Variants in SLC39A11 observed in about 807,000 individuals in gnomAD.
SLC39A11 encodes the protein zinc transporter ZIP11.
A neutral mutation model predicts 36.1 loss-of-function variants in SLC39A11; 33 were observed. That is an observed-to-expected ratio of 0.91 (90% confidence interval 0.69 to 1.22). SLC39A11 has a LOEUF of 1.22. Among genes scored for constraint, SLC39A11 ranks in the 50% most tolerant of loss-of-function variants. The probability of loss-of-function intolerance (pLI) is 0.00; values close to 1 mark genes in which losing one functional copy is unlikely to be tolerated. For missense variants in SLC39A11, 432 were observed against 430.3 expected (o/e 1.00, Z -0.03); for synonymous variants, 166 against 170.3 (o/e 0.97, Z 0.20).
At chr17:73,020,704 G>C (rs1411685872) in intron 4 of SLC39A11, among the ~76,000 whole-genome samples, 1 of 4,084 alleles carries the variant, frequency 2.4e-4, no homozygotes, top group Non-Finnish European at 9.7e-4. Context: ...TTTTTTTTGA[G>C]ACGGAGTCTC....
At chr17:73,078,031 G>T (rs944443070) in intron 3 of SLC39A11, among the ~76,000 whole-genome samples, 23 of 152,152 alleles carry the variant, frequency 1.5e-4, no homozygotes, top group Non-Finnish European at 2.5e-4. Flanking sequence ...AAGGTCAGGA[G>T]ATCGAGACCA....
At chr17:72,955,694 C>A (rs560631502) in intron 4 of SLC39A11, among the ~76,000 whole-genome samples, 93 of 152,056 alleles carry the variant, frequency 6.1e-4, no homozygotes, top group African/African-American at 2.1e-3. Context: ...GGGCCCAGCA[C>A]ACGGTCTGTG....
chr17:72,776,491 T>A (rs2076135150), intron 6 of SLC39A11, among the ~76,000 whole-genome samples: 1 of 152,070 alleles, frequency 6.6e-6, no homozygotes, highest in Non-Finnish European at 1.5e-5. Flanking sequence ...TATCAAAATG[T>A]TGAAATACAA....
At chr17:73,009,303 C>T (rs1411259773) in intron 4 of SLC39A11, among the ~76,000 whole-genome samples, 2 of 144,932 alleles carry the variant, frequency 1.4e-5, no homozygotes, top group East Asian at 2.0e-4. Context: ...TGCAGTGAGC[C>T]GAGATTGCGC....
At chr17:72,894,222 C>T (rs1284016144) in intron 5 of SLC39A11, among the ~76,000 whole-genome samples, 2 of 137,358 alleles carry the variant, frequency 1.5e-5, no homozygotes, top group African/African-American at 2.9e-5. Context: ...ATTAGCTGTG[C>T]GTGGTGGCGC....
intron 5 of SLC39A11, among the ~76,000 whole-genome samples, chr17:72,859,543 C>T (rs1342841584): frequency 6.6e-6 from 1 of 151,968 alleles, no homozygotes; most frequent in Non-Finnish European, 1.5e-5. Flanking sequence ...GAGACCAGGA[C>T]TTCCTGCTCC....
At chr17:73,020,828 G>A (rs191222773) in intron 4 of SLC39A11, among the ~76,000 whole-genome samples, 46 of 151,840 alleles carry the variant, frequency 3.0e-4, no homozygotes, top group East Asian at 2.1e-3. Context: ...GGCTACAGGC[G>A]CGTGCCACCA....
At chr17:72,681,830 A>C (rs1343571868) in intron 7 of SLC39A11, among the ~76,000 whole-genome samples, 8 of 152,130 alleles carry the variant, frequency 5.3e-5, no homozygotes, top group Non-Finnish European at 1.5e-5. Context: ...GATTTTCTTA[A>C]TAATATTTTC....
chr17:72,799,579 G>A (rs2077015023), intron 6 of SLC39A11, among the ~76,000 whole-genome samples: 1 of 152,078 alleles, frequency 6.6e-6, no homozygotes, highest in South Asian at 2.1e-4. Context: ...CCTGGGGGGA[G>A]ATCTATAAAT....
chr17:72,694,706 G>A (rs2072206522), intron 7 of SLC39A11, among the ~76,000 whole-genome samples: 2 of 152,186 alleles, frequency 1.3e-5, no homozygotes, highest in African/African-American at 2.4e-5. Flanking sequence ...GTCCCCTCAG[G>A]GTCCGTCTAC....
At chr17:72,908,666 G>A (rs568956485) in intron 5 of SLC39A11, among the ~76,000 whole-genome samples, 13 of 152,308 alleles carry the variant, frequency 8.5e-5, no homozygotes, top group African/African-American at 2.9e-4. Flanking sequence ...GGGAGGAGAC[G>A]GGCATGCTGT....
intron 5 of SLC39A11, among the ~76,000 whole-genome samples, chr17:72,900,210 AAAGAAAG>A (rs2082314383): frequency 6.7e-6 from 1 of 150,022 alleles, no homozygotes; most frequent in South Asian, 2.1e-4. Context: ...AGAAAGAAAG[AAAGAAAG>A]AAAGAAAGAA....
intron 7 of SLC39A11, among the ~76,000 whole-genome samples, chr17:72,653,669 AC>A (rs2069973995): frequency 6.6e-6 from 1 of 151,986 alleles, no homozygotes; most frequent in Admixed American, 6.6e-5. Context: ...CGAACTCCTG[AC>A]CTCAGGTAAT....
At chr17:72,688,673 T>C (rs1416830243) in intron 7 of SLC39A11, among the ~76,000 whole-genome samples, 5 of 152,170 alleles carry the variant, frequency 3.3e-5, no homozygotes, top group Non-Finnish European at 7.3e-5. Context: ...TTACTTCACA[T>C]AGGGTAAGGG....
chr17:72,881,138 G>A (rs1042534172), intron 5 of SLC39A11, among the ~76,000 whole-genome samples: 23 of 151,832 alleles, frequency 1.5e-4, no homozygotes, highest in Non-Finnish European at 3.2e-4. Context: ...CCTACCATAC[G>A]GTCCATTTCA....
At chr17:72,738,239 C>T (rs779988207) in intron 6 of SLC39A11, among the ~76,000 whole-genome samples, 5 of 152,120 alleles carry the variant, frequency 3.3e-5, no homozygotes, top group East Asian at 1.9e-4. Flanking sequence ...CTCCCGACCT[C>T]GTGATCCACC....
chr17:72,890,783 C>T (rs2081700103), intron 5 of SLC39A11, among the ~76,000 whole-genome samples: 1 of 151,780 alleles, frequency 6.6e-6, no homozygotes, highest in Admixed American at 6.6e-5. Flanking sequence ...GGAGAGAATG[C>T]CAGGAAAAAG....
chr17:72,685,592 T>C (rs1310537444), intron 7 of SLC39A11, among the ~76,000 whole-genome samples: 1 of 152,238 alleles, frequency 6.6e-6, no homozygotes, highest in Non-Finnish European at 1.5e-5. Flanking sequence ...TCATCTGACC[T>C]GGGTTTTTAC....
intron 7 of SLC39A11, 72 bp downstream of exon 7, chr17:72,736,578 C>T (rs2074438551): frequency 7.5e-7 from 1 of 1,325,048 alleles, no homozygotes; most frequent in Admixed American, 1.7e-5. Flanking sequence ...GACAGCCCAC[C>T]CAGGTGACAC....
Sources: gnomAD v4.1 joint callset for allele counts (sites outside exome capture counted in the v4.1 genomes callset) on GRCh38, gnomAD v4.1.1 for gene constraint, MANE v1.5 for transcripts, NCBI Gene and HGNC (gene_info 2026-07-23, HGNC 2026-07-21) for gene names.